The following MGAT4C variants were observed in gnomAD, a reference collection of about 807,000 sequenced individuals.
MGAT4C encodes alpha-1,3-mannosyl-glycoprotein 4-beta-N-acetylglucosaminyltransferase C.
Under a neutral mutation model 40.1 loss-of-function variants are expected in MGAT4C, and 19 were observed. The ratio of observed to expected loss-of-function variants is 0.47; its 90% CI spans 0.33 to 0.70. The LOEUF is 0.70. Ranked by LOEUF, MGAT4C falls within the 30% of genes least tolerant of loss-of-function variation. MGAT4C has a pLI of 0.02. For synonymous variants in MGAT4C, 181 were observed against 187.1 expected (o/e 0.97, Z 0.27); for missense variants, 491 against 563.2 (o/e 0.87, Z 1.30).
chr12:86,209,101 A>T (rs559457847), intron 1 of MGAT4C, among the ~76,000 whole-genome samples: 2 of 152,256 alleles, frequency 1.3e-5, no homozygotes, highest in East Asian at 3.9e-4. Context: ...TCCTGTCTAC[A>T]ATTGAAAAAA....
chr12:86,577,548 A>G (rs1316933329), intron 2 of MGAT4C, among the ~76,000 whole-genome samples: 2 of 151,840 alleles, frequency 1.3e-5, no homozygotes, highest in Non-Finnish European at 2.9e-5. Context: ...TGAAATGGTC[A>G]TATAGTTTTT....
chr12:86,533,297 T>A (rs1454959632), intron 2 of MGAT4C, among the ~76,000 whole-genome samples: 3 of 152,100 alleles, frequency 2.0e-5, no homozygotes, highest in Non-Finnish European at 4.4e-5. Flanking sequence ...CTTTCTATAA[T>A]CTCAGAAACG....
chr12:85,996,390 G>A (rs895217332), intron 2 of MGAT4C, among the ~76,000 whole-genome samples: 3 of 152,134 alleles, frequency 2.0e-5, no homozygotes, highest in Non-Finnish European at 4.4e-5. Flanking sequence ...TACAACGGTA[G>A]AAATAATACA....
intron 1 of MGAT4C, among the ~76,000 whole-genome samples, chr12:86,834,718 A>C (rs894782699): frequency 2.2e-4 from 34 of 151,876 alleles, no homozygotes; most frequent in Admixed American, 2.0e-3. Flanking sequence ...ATATCCAAAA[A>C]TAATACAAGA....
chr12:86,695,446 A>C (rs181930428), intron 2 of MGAT4C, among the ~76,000 whole-genome samples: 1 of 152,340 alleles, frequency 6.6e-6, no homozygotes, highest in Non-Finnish European at 1.5e-5. Context: ...GGAAGTCAGA[A>C]TATGGAGAGA....
chr12:86,025,263 T>C (rs1890146261), intron 2 of MGAT4C, among the ~76,000 whole-genome samples: 1 of 151,724 alleles, frequency 6.6e-6, no homozygotes, highest in East Asian at 1.9e-4. Flanking sequence ...AAACTCTTTT[T>C]AGAAAGAAAT....
chr12:86,406,185 A>G (rs1398035396), intron 3 of MGAT4C, among the ~76,000 whole-genome samples: 2 of 150,924 alleles, frequency 1.3e-5, no homozygotes, highest in Non-Finnish European at 3.0e-5. Flanking sequence ...TAGCATCTAG[A>G]GCTAGTCAAA....
At chr12:86,457,420 A>G (rs892769863) in intron 2 of MGAT4C, among the ~76,000 whole-genome samples, 1 of 152,164 alleles carries the variant, frequency 6.6e-6, no homozygotes, top group South Asian at 2.1e-4. Flanking sequence ...AAAATAATAG[A>G]CTTTTTAATT....
At chr12:86,265,284 G>A (rs542270341) in intron 4 of MGAT4C, among the ~76,000 whole-genome samples, 2 of 152,308 alleles carry the variant, frequency 1.3e-5, no homozygotes, top group East Asian at 1.9e-4. Flanking sequence ...CAGCAGGCCC[G>A]AGCAAAACTC....
intron 2 of MGAT4C, among the ~76,000 whole-genome samples, chr12:86,521,655 T>G (rs1015139440): frequency 5.3e-5 from 8 of 151,950 alleles, no homozygotes; most frequent in African/African-American, 1.4e-4. Context: ...AAGAATAATA[T>G]TTAATATATA....
intron 2 of MGAT4C, among the ~76,000 whole-genome samples, chr12:86,725,361 G>A (rs1201443018): frequency 6.6e-6 from 1 of 152,172 alleles, no homozygotes; most frequent in Non-Finnish European, 1.5e-5. Flanking sequence ...TTGGGTGAAA[G>A]TGACAATGAT....
intron 2 of MGAT4C, among the ~76,000 whole-genome samples, chr12:86,676,287 G>A (rs1964397611): frequency 2.0e-5 from 3 of 152,130 alleles, no homozygotes; most frequent in Admixed American, 2.0e-4. Context: ...TTCAATATGA[G>A]TGCCCTGTAG....
chr12:86,279,682 G>C (rs1238313722), intron 4 of MGAT4C, among the ~76,000 whole-genome samples: 1 of 134,360 alleles, frequency 7.4e-6, no homozygotes, highest in African/African-American at 2.7e-5. Context: ...TACTAATTTT[G>C]GGTTCCATTT....
chr12:86,735,997 T>C (rs1950980016), intron 1 of MGAT4C, among the ~76,000 whole-genome samples: 1 of 151,916 alleles, frequency 6.6e-6, no homozygotes, highest in African/African-American at 2.4e-5. Flanking sequence ...CAACTGTCTT[T>C]ACCTTTTCTA....
intron 1 of MGAT4C, among the ~76,000 whole-genome samples, chr12:86,201,147 C>T (rs17013769): frequency 0.041 from 6,312 of 152,268 alleles, 190 homozygotes; most frequent in Non-Finnish European, 0.061. Flanking sequence ...GTGGCTTATG[C>T]TTTCAAGGGT....
At chr12:86,224,085 A>C (rs1345223069) in intron 1 of MGAT4C, among the ~76,000 whole-genome samples, 1 of 152,212 alleles carries the variant, frequency 6.6e-6, no homozygotes, top group African/African-American at 2.4e-5. Context: ...CACTATGGCC[A>C]ACAAAGCCAC....
intron 2 of MGAT4C, among the ~76,000 whole-genome samples, chr12:86,708,616 G>A (rs1950504339): frequency 6.6e-6 from 1 of 152,186 alleles, no homozygotes; most frequent in Non-Finnish European, 1.5e-5. Context: ...AAGCAGCCAG[G>A]AGGGAGGCTG....
intron 1 of MGAT4C, among the ~76,000 whole-genome samples, chr12:86,244,046 TA>T (rs1484545273): frequency 6.6e-6 from 1 of 152,022 alleles, no homozygotes; most frequent in African/African-American, 2.4e-5. Flanking sequence ...CTCACTAAGG[TA>T]AAAAAGTGAA....
intron 4 of MGAT4C, chr12:86,334,029 T>C (rs926768595): frequency 2.6e-5 from 4 of 152,146 alleles, no homozygotes; most frequent in East Asian, 3.8e-4. Flanking sequence ...TTATATAGCA[T>C]AGTAAAATTC....
Sources: allele counts gnomAD v4.1 joint callset (sites outside exome capture counted in the v4.1 genomes callset), GRCh38; gene constraint gnomAD v4.1.1; transcripts MANE v1.5; gene names NCBI Gene and HGNC (gene_info 2026-07-23, HGNC 2026-07-21).